MCF2: variants seen among roughly 807,000 people sequenced by gnomAD.
MCF2 encodes the protein proto-oncogene DBL.
A neutral mutation model predicts 82.5 loss-of-function variants in MCF2; 44 were observed. The observed-to-expected ratio is 0.53, with a 90% CI of 0.42 to 0.69. The LOEUF (loss-of-function observed/expected upper bound fraction) is 0.69, where lower values mean the gene tolerates loss of function less well. Ranked by LOEUF, MCF2 falls within the 30% of genes least tolerant of loss-of-function variation. The pLI, the probability that MCF2 is intolerant of heterozygous loss-of-function variation, is 0.00. For missense variants in MCF2, 623 were observed against 663.1 expected, an observed-to-expected ratio of 0.94 and a Z score of 0.66; for synonymous variants, 217 against 224.9, an observed-to-expected ratio of 0.96 and a Z score of 0.32.
chrX:139,701,782 T>G (rs2148587482), intron 1 of MCF2, among the ~76,000 whole-genome samples: 1 of 112,663 alleles, frequency 8.9e-6, no homozygotes, highest in South Asian at 3.7e-4. Flanking sequence ...AGCACACACA[T>G]AAGATTCTAC....
At chrX:139,647,447 A>T (rs761067932), upstream of MCF2, among the ~76,000 whole-genome samples, 1 of 112,018 alleles carries the variant, frequency 8.9e-6, no homozygotes, top group East Asian at 2.8e-4. Context: ...GAAAGATCAC[A>T]AATTATCTGT....
chrX:139,611,665 G>A (rs779696835), intron 10 of MCF2, among the ~76,000 whole-genome samples: 3 of 111,825 alleles, frequency 2.7e-5, no homozygotes, highest in Non-Finnish European at 3.8e-5. Flanking sequence ...ATACAAAGAT[G>A]AACTGCACAC....
Position 139,671,490 on chromosome X carries a change from A to G in MCF2, c.-44-19702T>C, listed in dbSNP as rs774478459. 2.7e-5 allele frequency among the ~76,000 whole-genome samples: 3 copies of G among 111,536 alleles called. No individual in the cohort carries two copies. In the East Asian group the frequency reaches 8.5e-4, roughly 31 times the overall value. ...TAATCCATCTTGAATTAATTTTTGT[A>G]TAAGGTGTAAGGAAGGGATCCAGTT... On this transcript the variant is annotated intron_variant, in intron 1 of 27. Coordinates refer to the MCF2 transcript ENST00000414978.
At chrX:139,633,449 TAAAG>T (rs1394701720) in intron 1 of MCF2, among the ~76,000 whole-genome samples, 1 of 111,556 alleles carries the variant, frequency 9.0e-6, no homozygotes, top group Non-Finnish European at 1.9e-5. Context: ...CTTTTACAAA[TAAAG>T]AAAGTGAGAC....
chrX:139,631,643 T>C, intron 2 of MCF2, 132 bp from the exon 6 acceptor site: 1 of 415,089 alleles, frequency 2.4e-6, no homozygotes. Flanking sequence ...TTCTCTCCTG[T>C]ACATGCCCCC....
At chrX:139,652,663 C>T (rs1215692939) in intron 1 of MCF2, among the ~76,000 whole-genome samples, 2 of 111,284 alleles carry the variant, frequency 1.8e-5, no homozygotes, top group African/African-American at 3.3e-5. Context: ...TAAAAGAAAA[C>T]GGGTCATCAA....
At chrX:139,613,350 A>C (rs1931642757) in intron 10 of MCF2, 87 bp from the exon 14 acceptor site, 4 of 681,738 alleles carry the variant, frequency 5.9e-6, no homozygotes, top group Middle Eastern at 4.5e-4. Flanking sequence ...TGAGTGACTA[A>C]TGACTTGCAT....
intron 24 of MCF2, among the ~76,000 whole-genome samples, chrX:139,583,553 T>A (rs752266575): frequency 1.8e-5 from 2 of 110,820 alleles, no homozygotes; most frequent in East Asian, 5.7e-4. Context: ...AAGCATTGGG[T>A]ACACGTGGAC....
intron 2 of MCF2, among the ~76,000 whole-genome samples, chrX:139,648,111 C>T (rs1196272962): frequency 9.0e-6 from 1 of 111,615 alleles, no homozygotes; most frequent in African/African-American, 3.3e-5. Context: ...GTGGTTCATG[C>T]CTGTAACCCC....
intron 1 of MCF2, among the ~76,000 whole-genome samples, chrX:139,691,569 T>C (rs776711604): frequency 9.1e-6 from 1 of 110,422 alleles, no homozygotes; most frequent in Admixed American, 9.6e-5. Flanking sequence ...CTTCCTGCAC[T>C]TTCCCACGGT....
chrX:139,590,476 A>AT (rs760747658), intron 19 of MCF2, among the ~76,000 whole-genome samples: 1,925 of 110,220 alleles, frequency 0.017, 33 homozygotes, highest in African/African-American at 0.06. Context: ...TCTAAAAAAA[A>AT]AATAATAATA....
At chrX:139,585,955 T>C (rs1021531206) in intron 23 of MCF2, among the ~76,000 whole-genome samples, 3 of 112,284 alleles carry the variant, frequency 2.7e-5, no homozygotes, top group Admixed American at 1.9e-4. Flanking sequence ...CAACGGTAAG[T>C]GAAATGCGCA....
intron 1 of MCF2, among the ~76,000 whole-genome samples, chrX:139,640,040 C>T (rs945049392): frequency 9.0e-6 from 1 of 110,707 alleles, no homozygotes; most frequent in African/African-American, 3.3e-5. Flanking sequence ...TGGTAAGCAG[C>T]GGTAGTACGG....
intron 1 of MCF2, among the ~76,000 whole-genome samples, chrX:139,658,230 T>C (rs186517989): frequency 5.1e-4 from 57 of 111,638 alleles, no homozygotes; most frequent in South Asian, 1.1e-3. Context: ...ACCTTAAGAA[T>C]ATGTAAAAGT....
chrX:139,679,424 C>CT (rs1280800054), intron 1 of MCF2, among the ~76,000 whole-genome samples: 3 of 111,930 alleles, frequency 2.7e-5, no homozygotes, highest in Admixed American at 9.5e-5. Context: ...ACAACTTTAA[C>CT]TTTTTTTTCC....
chrX:139,677,417 C>G (rs149031214), intron 1 of MCF2, among the ~76,000 whole-genome samples: 1,840 of 112,092 alleles, frequency 0.016, 40 homozygotes, highest in African/African-American at 0.056. Context: ...ACTTTCACTC[C>G]TGCTCTAAAA....
upstream of MCF2, among the ~76,000 whole-genome samples, chrX:139,644,277 C>T (rs1451763612): frequency 2.7e-5 from 3 of 112,106 alleles, no homozygotes; most frequent in Non-Finnish European, 5.6e-5. Flanking sequence ...GCTATTTGAG[C>T]TTGGATTCAT....
chrX:139,646,232 G>A (rs985386336), upstream of MCF2, among the ~76,000 whole-genome samples: 6 of 110,841 alleles, frequency 5.4e-5, no homozygotes, highest in Admixed American at 5.8e-4. Context: ...CTAGATTTGT[G>A]TCCTCTTGTT....
chrX:139,707,192 C>T (rs1380442334), intron 1 of MCF2, among the ~76,000 whole-genome samples: 1 of 109,713 alleles, frequency 9.1e-6, no homozygotes, highest in East Asian at 2.9e-4. Context: ...CTTTTTGGGC[C>T]CCTCAAGCAA....
Sources: allele counts gnomAD v4.1 joint callset (sites outside exome capture counted in the v4.1 genomes callset), GRCh38; gene constraint gnomAD v4.1.1; transcripts MANE v1.5; gene names NCBI Gene and HGNC (gene_info 2026-07-23, HGNC 2026-07-21).